RBPMS2: variants seen among roughly 807,000 people sequenced by gnomAD.
The protein encoded by RBPMS2 is RNA binding protein, mRNA processing factor 2.
A neutral mutation model predicts 25.7 loss-of-function variants in RBPMS2; 14 were observed. The observed-to-expected ratio is 0.55, with a 90% CI of 0.36 to 0.85. The LOEUF (loss-of-function observed/expected upper bound fraction) is 0.85. Among genes scored for constraint, RBPMS2 ranks in the 40% least tolerant of loss-of-function variants. The pLI is 0.01. For synonymous variants in RBPMS2, 127 were observed against 115.6 expected, an observed-to-expected ratio of 1.10 and a Z score of -0.63; for missense variants, 252 against 283.4, an observed-to-expected ratio of 0.89 and a Z score of 0.80.
intron 1 of RBPMS2, among the ~76,000 whole-genome samples, chr15:64,769,199 A>G (rs2083873626): frequency 6.6e-6 from 1 of 151,168 alleles, no homozygotes; most frequent in Non-Finnish European, 1.5e-5. Context: ...GCAGTGGCTC[A>G]CATCTGCAAT....
intron 1 of RBPMS2, among the ~76,000 whole-genome samples, chr15:64,764,025 CAG>C (rs2083817870): frequency 6.6e-6 from 1 of 152,218 alleles, no homozygotes; most frequent in South Asian, 2.1e-4. Context: ...CTAGACCAAA[CAG>C]AGAATGAGCT....
rs75220326 is a variant in RBPMS2, at chr15:64,752,323, C to A, written c.88-685G>T. ...CCTGGTAGAGAGCCTCCAGTCTGGT[C>A]GAGGGGAGGAGCAAAGATGTAAAGG... On this transcript the variant is annotated intron_variant, in intron 1 of 7. Transcript: ENST00000300069. Among the ~76,000 whole-genome samples the A allele has an allele frequency of 6.6e-4, 101 of 152,108 alleles. 1 individual carries two copies. Among genetic ancestry groups the A allele is most frequent in the African/African-American group, 2.4e-3 (100 of 41,508 alleles).
rs2083667026 is a variant in RBPMS2 at position 64,750,489 on chromosome 15, C to G, written c.166-108G>C. On this transcript the variant is annotated intron_variant, in intron 2 of 7. Coordinates refer to ENST00000300069, the MANE Select transcript of RBPMS2 (RefSeq NM_194272.3). ...CGTTCCCCTGAGTCATTCTCACACC[C>G]TTCTCCCTGTCAACATCAACCCACC... 7 of 957,212 alleles carry G rather than the reference C, an allele frequency of 7.3e-6. No individual in the cohort carries two copies. In the South Asian group the frequency reaches 9.2e-5, roughly 13 times the overall value. The allele number at this position is 957,212 out of a possible 1,614,324, so 59.3% of individuals were successfully genotyped here. A position where few individuals can be genotyped will look rare whatever the true frequency, so the allele number is the denominator to read the frequency against.
intron 1 of RBPMS2, among the ~76,000 whole-genome samples, chr15:64,759,857 G>A (rs1477793144): frequency 6.6e-6 from 1 of 152,158 alleles, no homozygotes; most frequent in African/African-American, 2.4e-5. Context: ...ATTTTTAGTA[G>A]AGATGGGGTT....
rs1265748886 is a variant in RBPMS2, at chr15:64,769,354, G to A, written c.87+5879C>T. On this transcript the variant is annotated intron_variant, in intron 1 of 7. Transcript: ENST00000300069. ...CAGAAGAATTGCTTGAACCCAGGAG[G>A]TGGAGGTTGCGGTGAGCCGAGATCG... Among the ~76,000 whole-genome samples the A allele has an allele frequency of 2.0e-5, 3 of 150,386 alleles. No individual in the cohort carries two copies. The East Asian group carries it at 5.9e-4, about 30-fold the overall frequency.
intron 5 of RBPMS2, 139 bp downstream of exon 5, chr15:64,748,861 G>T: frequency 1.0e-6 from 1 of 954,708 alleles, no homozygotes; most frequent in Non-Finnish European, 1.5e-6. Flanking sequence ...GCAGGGGAGG[G>T]AGGAAAACCA....
At chr15:64,750,192 T>C (rs1426756081) in intron 3 of RBPMS2, 151 bp downstream of exon 3, 3 of 755,682 alleles carry the variant, frequency 4.0e-6, no homozygotes, top group Admixed American at 1.8e-5. Context: ...CAGTGGGACC[T>C]ACAGAGGCTG....
chr15:64,741,638 C>A (rs2083563178), intron 6 of RBPMS2, among the ~76,000 whole-genome samples: 1 of 152,216 alleles, frequency 6.6e-6, no homozygotes, highest in African/African-American at 2.4e-5. Flanking sequence ...GAGCCTCATA[C>A]ATTTTTGTTT....
At chr15:64,742,298 C>T (rs188844136) in intron 6 of RBPMS2, among the ~76,000 whole-genome samples, 1 of 152,362 alleles carries the variant, frequency 6.6e-6, no homozygotes, top group Non-Finnish European at 1.5e-5. Flanking sequence ...CCCGTTTTGA[C>T]CTTCCCACCC....
intron 2 of RBPMS2, among the ~76,000 whole-genome samples, chr15:64,751,331 C>T (rs1041250800): frequency 1.7e-5 from 1 of 57,722 alleles, no homozygotes; most frequent in African/African-American, 3.3e-5. Flanking sequence ...AGACTCGTCT[C>T]GAGGAAAAAA....
Position 64,741,209 on chromosome 15 carries a change from G to C in RBPMS2, c.601C>G (p.Gln201Glu). Residue 201 changes from glutamine to glutamate, a missense_variant, in exon 7 of 8, where the codon CAA becomes GAA. Gln to Glu is a conservative substitution (Grantham distance 29). Coordinates refer to ENST00000300069, the MANE Select transcript of RBPMS2 (RefSeq NM_194272.3). ...CAGAACTGACGGTACTTCCATCCTTGCTGGGTGGTGTCAGAGGAAGGGTAC... is the reference window on the plus strand; with the variant it reads ...CAGAACTGACGGTACTTCCATCCTTCCTGGGTGGTGTCAGAGGAAGGGTAC... ...RWYPSSDTTQ[Q>E]GWKYRQFC The C allele has an allele frequency of 6.3e-7, 1 of 1,591,688 alleles. No homozygotes were observed.
chr15:64,763,047 C>T (rs1384127785), intron 1 of RBPMS2, among the ~76,000 whole-genome samples: 4 of 99,988 alleles, frequency 4.0e-5, no homozygotes, highest in Non-Finnish European at 5.6e-5. Flanking sequence ...TCTTGGTCGC[C>T]GTAGTGGGTA....
chr15:64,773,792 C>T (rs757584426), intron 1 of RBPMS2, among the ~76,000 whole-genome samples: 17 of 152,148 alleles, frequency 1.1e-4, no homozygotes, highest in African/African-American at 3.4e-4. Flanking sequence ...ACTCCAAGTA[C>T]GCTAGCAACC....
intron 2 of RBPMS2, 30 bp downstream of exon 2, chr15:64,751,531 T>A (rs1276896259): frequency 6.3e-7 from 1 of 1,593,952 alleles, no homozygotes; most frequent in Admixed American, 1.7e-5. Flanking sequence ...TCCCAGGCTC[T>A]ACCCAGGGGG....
At chr15:64,754,082 G>A (rs562801914) in intron 1 of RBPMS2, among the ~76,000 whole-genome samples, 2 of 152,252 alleles carry the variant, frequency 1.3e-5, no homozygotes, top group South Asian at 2.1e-4. Flanking sequence ...AGGCTGAGGC[G>A]GGTGGATCAC....
chr15:64,748,856 G>T, intron 5 of RBPMS2, 144 bp downstream of exon 5: 2 of 913,680 alleles, frequency 2.2e-6, no homozygotes, highest in Non-Finnish European at 3.3e-6. Flanking sequence ...AGGCTGCAGG[G>T]GAGGGAGGAA....
chr15:64,750,393 G>A lies in RBPMS2; in HGVS notation c.166-12C>T, dbSNP rs2083665423. On this transcript the variant is annotated splice_polypyrimidine_tract_variant and intron_variant, in intron 2 of 7. Transcript: ENST00000300069. ...GACCCTTCATACCCCTGCGGAGAGAGGTGGCTGTTACCGTGGAAGGTCAGA... is the reference window on the plus strand; with the variant it reads ...GACCCTTCATACCCCTGCGGAGAGAAGTGGCTGTTACCGTGGAAGGTCAGA... 1 of 1,613,236 alleles carries A rather than the reference G, an allele frequency of 6.2e-7. No homozygotes were observed. The highest frequency in any genetic ancestry group is 8.5e-7 in the Non-Finnish European group (1 of 1,179,202).
intron 1 of RBPMS2, among the ~76,000 whole-genome samples, chr15:64,774,732 A>AGCCGGCCGGCCGGCCT (rs146916271): frequency 3.6e-4 from 53 of 147,120 alleles, no homozygotes; most frequent in Admixed American, 6.7e-4. Flanking sequence ...GGAACCGAGG[A>AGCCGGCCGGCCGGCCT]GCCGGCCGGC....
At position 64,740,921 on chromosome 15, in the gene RBPMS2, C is replaced by T. The variant is rs892014838; in HGVS notation, c.*87G>A. ...TGGAGGGCAGCAGCTCTGTGCAGGC[C>T]GCCCGGGGGCAGTGGGAACTCGGGG... On this transcript the variant is annotated 3_prime_UTR_variant, in exon 8 of 8. Coordinates refer to ENST00000300069, the MANE Select transcript of RBPMS2 (RefSeq NM_194272.3). 3.4e-5 allele frequency: 15 copies of T among 435,662 alleles called. No homozygotes were observed. The highest frequency in any genetic ancestry group is 4.6e-5 in the Non-Finnish European group (11 of 236,790). The allele number at this position is 435,662 out of a possible 1,614,324, so 27.0% of individuals were successfully genotyped here.
Sources: gnomAD v4.1 joint callset for allele counts (sites outside exome capture counted in the v4.1 genomes callset) on GRCh38, gnomAD v4.1.1 for gene constraint, MANE v1.5 for transcripts, NCBI Gene and HGNC (gene_info 2026-07-23, HGNC 2026-07-21) for gene names.